Variants in RGL1 observed in about 807,000 individuals in gnomAD.
RGL1 encodes the protein ral guanine nucleotide dissociation stimulator-like 1.
RGL1 carries 24 observed loss-of-function variants against 95.2 expected under a neutral mutation model. The observed-to-expected ratio is 0.25, with a 90% CI of 0.18 to 0.35. The LOEUF is 0.35. Among genes scored for constraint, RGL1 ranks in the 10% least tolerant of loss-of-function variants. The probability of loss-of-function intolerance (pLI) is 1.00; values close to 1 mark genes in which losing one functional copy is unlikely to be tolerated. For synonymous variants in RGL1, 329 were observed against 344.9 expected (o/e 0.95, Z 0.51); for missense variants, 715 against 936.3 (o/e 0.76, Z 3.08).
intron 1 of RGL1, among the ~76,000 whole-genome samples, chr1:183,722,986 T>C (rs1302074134): frequency 6.6e-6 from 1 of 152,000 alleles, no homozygotes; most frequent in Non-Finnish European, 1.5e-5. Flanking sequence ...GCAGCAACAA[T>C]ATATTGGGGG....
intron 1 of RGL1, among the ~76,000 whole-genome samples, chr1:183,719,907 A>G (rs1655902056): frequency 6.6e-6 from 1 of 152,100 alleles, no homozygotes; most frequent in African/African-American, 2.4e-5. Flanking sequence ...CTCCATCTCA[A>G]AAAAAATGAA....
intron 2 of RGL1, among the ~76,000 whole-genome samples, chr1:183,760,871 C>T (rs1302898528): frequency 1.3e-5 from 2 of 152,212 alleles, no homozygotes; most frequent in African/African-American, 4.8e-5. Flanking sequence ...GCCCATTCCT[C>T]AGGAGTAGAT....
intron 2 of RGL1, among the ~76,000 whole-genome samples, chr1:183,753,600 T>C (rs1658159795): frequency 1.3e-5 from 2 of 152,208 alleles, no homozygotes; most frequent in Admixed American, 1.3e-4. Flanking sequence ...GAAGGGAACA[T>C]TGACCTTGGG....
chr1:183,764,265 T>C (rs1002686826), intron 2 of RGL1, among the ~76,000 whole-genome samples: 4 of 152,150 alleles, frequency 2.6e-5, no homozygotes, highest in Non-Finnish European at 4.4e-5. Flanking sequence ...CAAATCTGTC[T>C]CCTCAACTGC....
chr1:183,900,381 C>G (rs1431364085), intron 11 of RGL1, 145 bp downstream of exon 11: 2 of 578,356 alleles, frequency 3.5e-6, no homozygotes, highest in Non-Finnish European at 6.2e-6. Context: ...AAGAATAACA[C>G]CAAAGACTAA....
intron 4 of RGL1, among the ~76,000 whole-genome samples, chr1:183,877,543 C>T (rs1478463452): frequency 6.6e-6 from 1 of 152,208 alleles, no homozygotes; most frequent in Non-Finnish European, 1.5e-5. Flanking sequence ...GAAAGCTTCC[C>T]TGCCTGGTGT....
chr1:183,900,374 A>G (rs1298700125), intron 11 of RGL1, 138 bp downstream of exon 11: 7 of 602,808 alleles, frequency 1.2e-5, no homozygotes, highest in African/African-American at 3.7e-5. Flanking sequence ...GAATACAAAG[A>G]ATAACACCAA....
chr1:183,891,298 G>A (rs1054565663), intron 8 of RGL1, among the ~76,000 whole-genome samples: 1 of 152,126 alleles, frequency 6.6e-6, no homozygotes, highest in African/African-American at 2.4e-5. Flanking sequence ...TGGAGGGTGT[G>A]TAGAGAAAAC....
intron 1 of RGL1, among the ~76,000 whole-genome samples, chr1:183,681,810 T>G (rs965488367): frequency 3.3e-5 from 5 of 152,084 alleles, no homozygotes; most frequent in Non-Finnish European, 5.9e-5. Context: ...GGTCCTGGGG[T>G]TTTTTTGGTT....
intron 2 of RGL1, among the ~76,000 whole-genome samples, chr1:183,792,851 A>G (rs933465507): frequency 3.5e-4 from 54 of 152,184 alleles, no homozygotes; most frequent in Admixed American, 1.3e-4. Context: ...GGAAGAATTA[A>G]TATTGTTAAA....
chr1:183,923,136 C>CT (rs1669408450), intron 17 of RGL1, among the ~76,000 whole-genome samples: 1 of 152,180 alleles, frequency 6.6e-6, no homozygotes, highest in South Asian at 2.1e-4. Flanking sequence ...GAAGCCAACC[C>CT]TTTCTGCCGC....
intron 9 of RGL1, among the ~76,000 whole-genome samples, chr1:183,895,779 C>G (rs1209871900): frequency 6.6e-6 from 1 of 152,116 alleles, no homozygotes; most frequent in Non-Finnish European, 1.5e-5. Context: ...GTTGACACCT[C>G]ATTTGGAATA....
At chr1:183,723,565 G>T (rs192681187) in intron 1 of RGL1, among the ~76,000 whole-genome samples, 1 of 152,318 alleles carries the variant, frequency 6.6e-6, no homozygotes, top group South Asian at 2.1e-4. Flanking sequence ...TGTCACAGTG[G>T]AAACAATACT....
intron 2 of RGL1, among the ~76,000 whole-genome samples, chr1:183,772,010 A>C (rs564242874): frequency 6.6e-6 from 1 of 152,322 alleles, no homozygotes; most frequent in East Asian, 1.9e-4. Flanking sequence ...GTTTAGGCGG[A>C]GTTTGGCCAG....
intron 2 of RGL1, among the ~76,000 whole-genome samples, chr1:183,785,537 C>T (rs1952235): frequency 0.64 from 97,287 of 151,996 alleles, 31,380 homozygotes; most frequent in East Asian, 0.83. Flanking sequence ...ACCTAGACTG[C>T]ATGTTCTTTG....
At chr1:183,860,288 G>A (rs1665430371) in intron 3 of RGL1, among the ~76,000 whole-genome samples, 1 of 152,114 alleles carries the variant, frequency 6.6e-6, no homozygotes, top group Non-Finnish European at 1.5e-5. Flanking sequence ...AAGAGGGTGT[G>A]TATTAATTCA....
chr1:183,873,167 G>T lies in RGL1; in HGVS notation c.425+7094G>T, dbSNP rs556851667. ...TAATCAATGGCTCAAAAAGAAGACA[G>T]ATCAATCATACGAGTATCTCCTAGG... On this transcript the variant is annotated intron_variant, in intron 4 of 17. Transcript: ENST00000360851. Among the ~76,000 whole-genome samples the T allele has an allele frequency of 5.7e-4, 87 of 152,306 alleles. 1 individual carries two copies. Among genetic ancestry groups the T allele is most frequent in the African/African-American group, 2.0e-3 (82 of 41,580 alleles).
At chr1:183,823,749 G>C (rs1662656613) in intron 2 of RGL1, among the ~76,000 whole-genome samples, 1 of 152,264 alleles carries the variant, frequency 6.6e-6, no homozygotes, top group East Asian at 1.9e-4. Context: ...CATGTTACCT[G>C]TATAGAATCA....
chr1:183,768,143 C>G (rs370429287), intron 2 of RGL1, among the ~76,000 whole-genome samples: 1 of 150,558 alleles, frequency 6.6e-6, no homozygotes, highest in African/African-American at 2.4e-5. Flanking sequence ...GGTAGACACA[C>G]AGAGAAACAG....
Sources: gnomAD v4.1 joint callset for allele counts (sites outside exome capture counted in the v4.1 genomes callset) on GRCh38, gnomAD v4.1.1 for gene constraint, MANE v1.5 for transcripts, NCBI Gene and HGNC (gene_info 2026-07-23, HGNC 2026-07-21) for gene names.